The following DTYMK variants were observed in gnomAD, a reference collection of about 807,000 sequenced individuals.
The protein encoded by DTYMK is thymidylate kinase.
In DTYMK, 20 loss-of-function variants were observed where a neutral mutation model predicts 20.3. The observed-to-expected ratio is 0.99, with a 90% CI of 0.69 to 1.43. The LOEUF (loss-of-function observed/expected upper bound fraction) is 1.43, where lower values mean the gene tolerates loss of function less well. Ranked by LOEUF, DTYMK falls within the 40% of genes most tolerant of loss-of-function variation. DTYMK has a pLI of 0.00. For missense variants in DTYMK, 320 were observed against 291.1 expected, an observed-to-expected ratio of 1.10 and a Z score of -0.72; for synonymous variants, 148 against 124.4, an observed-to-expected ratio of 1.19 and a Z score of -1.27.
chr2:241,677,997 C>G (rs112405162), intron 4 of DTYMK, among the ~76,000 whole-genome samples: 8,207 of 152,166 alleles, frequency 0.054, 699 homozygotes, highest in African/African-American at 0.18. Context: ...TGGCACTGGC[C>G]GGGCGCGATG....
Position 241,676,086 on chromosome 2 carries a change from G to A in DTYMK, c.*41C>T. On this transcript the variant is annotated 3_prime_UTR_variant, in exon 5 of 5. Transcript: ENST00000305784. ...CCTTCCGCGAGTCTCCCACCTCTCG[G>A]GGGACTGCAGGGAGAGGCGTCTCCA... 6.4e-7 allele frequency: 1 copy of A among 1,565,116 alleles called. No individual in the cohort carries two copies. Among genetic ancestry groups the A allele is most frequent in the Non-Finnish European group, 8.7e-7 (1 of 1,150,124 alleles).
At chr2:241,678,342 G>A in intron 4 of DTYMK, 110 bp downstream of exon 4, 2 of 1,467,238 alleles carry the variant, frequency 1.4e-6, no homozygotes, top group Admixed American at 1.9e-5. Flanking sequence ...ACATCTGGGA[G>A]GACCAGACGG....
chr2:241,686,775 G>A lies in DTYMK; in HGVS notation c.9C>T (p.Ala3=), dbSNP rs751834968. Residue 3 remains alanine (A), a synonymous_variant, in exon 1 of 5, where the codon GCC becomes GCT. Coordinates refer to ENST00000305784, the MANE Select transcript of DTYMK (RefSeq NM_012145.4). ...CCAGCACTATGAGAGCCCCGCGCCG[G>A]GCCGCCATGACTGTCCACCGCCCGC... MA[A]RRGALIVLEG... is the part of the protein sequence containing the mutation. 4.1e-6 allele frequency: 6 copies of A among 1,460,714 alleles called. No individual in the cohort carries two copies. The highest frequency in any genetic ancestry group is 5.3e-5 in the Admixed American group (2 of 37,566). 90.5% of individuals were successfully genotyped at this position (1,460,714 alleles called of 1,614,324 possible).
In DTYMK at chr2:241,676,040, T is replaced by A; in HGVS notation, c.*87A>T. On this transcript the variant is annotated 3_prime_UTR_variant, in exon 5 of 5. Coordinates refer to ENST00000305784, the MANE Select transcript of DTYMK (RefSeq NM_012145.4). ...AAAGAGCTCCTGAAGTTGTGGGGTC[T>A]GGACTCTGCTGGGGACGGGGCCTTC... The A allele has an allele frequency of 7.9e-7, 1 of 1,267,428 alleles. No homozygotes were observed. Among genetic ancestry groups the A allele is most frequent in the Non-Finnish European group, 1.1e-6 (1 of 931,108 alleles). 78.5% of individuals were successfully genotyped at this position (1,267,428 alleles called of 1,614,324 possible).
chr2:241,679,415 A>G (rs2069190263), intron 3 of DTYMK, among the ~76,000 whole-genome samples: 1 of 152,208 alleles, frequency 6.6e-6, no homozygotes. Context: ...CTTATTATAC[A>G]ACGTAATACT....
intron 4 of DTYMK, 126 bp from the exon 5 acceptor site, chr2:241,676,363 A>G (rs1388237803): frequency 1.2e-6 from 1 of 823,712 alleles, no homozygotes; most frequent in Non-Finnish European, 1.9e-6. Context: ...TGTACCCAGG[A>G]GTTCAAGACC....
intron 2 of DTYMK, among the ~76,000 whole-genome samples, chr2:241,684,065 A>C (rs574371500): frequency 6.6e-6 from 1 of 152,234 alleles, no homozygotes; most frequent in South Asian, 2.1e-4. Flanking sequence ...CTCAAAAAAA[A>C]CCAAAACAAA....
At chr2:241,676,841 G>C (rs1370292980) in intron 4 of DTYMK, among the ~76,000 whole-genome samples, 2 of 152,258 alleles carry the variant, frequency 1.3e-5, no homozygotes, top group Non-Finnish European at 2.9e-5. Context: ...ACAGAGGGCA[G>C]ACCCTGCCCT....
At position 241,678,504 on chromosome 2, in the gene DTYMK, C is replaced by G; in HGVS notation, c.476G>C (p.Arg159Pro). 1.2e-6 allele frequency: 2 copies of G among 1,614,194 alleles called. No homozygotes were observed. Among genetic ancestry groups the G allele is most frequent in the Non-Finnish European group, 1.7e-6 (2 of 1,180,042 alleles). The change falls in exon 4 of 5, where the codon CGG becomes CCG. Residue 159 changes from arginine (R) to proline (P), a missense_variant. Transcript: ENST00000305784. ...GAGCTGGTGGAAACACCGGAGCGCC[C>G]GCTCCTGGAAAGCCCCGTTCTCATA... ...ERYENGAFQE[R>P]ALRCFHQLMK...
At chr2:241,684,589 G>C (rs2069335883) in intron 2 of DTYMK, 1 of 368,914 alleles carries the variant, frequency 2.7e-6, no homozygotes, top group Non-Finnish European at 5.5e-6. Flanking sequence ...CTGTAAGGCA[G>C]AGTTAGAAAG....
At chr2:241,679,416 A>G (rs2069190307) in intron 3 of DTYMK, among the ~76,000 whole-genome samples, 1 of 152,216 alleles carries the variant, frequency 6.6e-6, no homozygotes. Flanking sequence ...TTATTATACA[A>G]CGTAATACTT....
At chr2:241,677,090 G>A (rs909387852) in intron 4 of DTYMK, among the ~76,000 whole-genome samples, 1 of 152,270 alleles carries the variant, frequency 6.6e-6, no homozygotes, top group East Asian at 1.9e-4. Flanking sequence ...ACTCAGAAGC[G>A]CTGGCATCTC....
intron 2 of DTYMK, among the ~76,000 whole-genome samples, chr2:241,684,417 C>T (rs1048756748): frequency 5.3e-5 from 8 of 152,100 alleles, no homozygotes; most frequent in Non-Finnish European, 7.4e-5. Flanking sequence ...AAAGCTAAGC[C>T]GGAGGAGAGT....
In DTYMK at chr2:241,676,091, C is replaced by A. The variant is rs2069107546; in HGVS notation, c.*36G>T. The A allele has an allele frequency of 1.3e-6, 2 of 1,575,722 alleles. No individual in the cohort carries two copies. Among genetic ancestry groups the A allele is most frequent in the Non-Finnish European group, 1.7e-6 (2 of 1,156,866 alleles). ...CGCGAGTCTCCCACCTCTCGGGGGA[C>A]TGCAGGGAGAGGCGTCTCCAGTGGG... On this transcript the variant is annotated 3_prime_UTR_variant, in exon 5 of 5. Coordinates refer to ENST00000305784, the MANE Select transcript of DTYMK (RefSeq NM_012145.4).
chr2:241,681,900 C>T, intron 2 of DTYMK: 1 of 180,954 alleles, frequency 5.5e-6, no homozygotes, highest in Non-Finnish European at 1.2e-5. Context: ...AAAAATTAGC[C>T]AGGGATAGTG....
chr2:241,684,593 TAGAA>T (rs1241759262), intron 2 of DTYMK: 7 of 367,588 alleles, frequency 1.9e-5, no homozygotes, highest in South Asian at 1.1e-4. Flanking sequence ...AAGGCAGAGT[TAGAA>T]AGAAAGCTGC....
In DTYMK at chr2:241,686,767, C is replaced by A; in HGVS notation, c.17G>T (p.Gly6Val). Residue 6 changes from glycine (G) to valine (V), a missense_variant, in exon 1 of 5, where the codon GGG (glycine) becomes GTG (valine). Gly to Val is a moderately radical substitution (Grantham distance 109). Coordinates refer to ENST00000305784, the MANE Select transcript of DTYMK (RefSeq NM_012145.4). Reference sequence around the variant, plus strand: ...CACGCCCTCCAGCACTATGAGAGCCCCGCGCCGGGCCGCCATGACTGTCCA... The same window carrying A: ...CACGCCCTCCAGCACTATGAGAGCCACGCGCCGGGCCGCCATGACTGTCCA... MAARR[G>V]ALIVLEGVDR... is the part of the protein sequence containing the mutation. The A allele has an allele frequency of 6.8e-7, 1 of 1,462,092 alleles. No homozygotes were observed. The highest frequency in any genetic ancestry group is 8.9e-7 in the Non-Finnish European group (1 of 1,121,918). The allele number at this position is 1,462,092 out of a possible 1,614,324, so 90.6% of individuals were successfully genotyped here. A position where few individuals can be genotyped will look rare whatever the true frequency, so the allele number is the denominator to read the frequency against.
At chr2:241,677,295 T>C (rs1043138190) in intron 4 of DTYMK, among the ~76,000 whole-genome samples, 6 of 152,224 alleles carry the variant, frequency 3.9e-5, no homozygotes, top group Admixed American at 1.3e-4. Context: ...CACTGGCCAC[T>C]GTGCAGCCAC....
At chr2:241,686,521 G>A in intron 1 of DTYMK, 133 bp downstream of exon 1, 5 of 1,310,050 alleles carry the variant, frequency 3.8e-6, no homozygotes, top group South Asian at 1.8e-5. Flanking sequence ...GCGACACAGG[G>A]AAAGCCCGTC....
Sources: gnomAD v4.1 joint callset for allele counts (sites outside exome capture counted in the v4.1 genomes callset) on GRCh38, gnomAD v4.1.1 for gene constraint, MANE v1.5 for transcripts, NCBI Gene and HGNC (gene_info 2026-07-23, HGNC 2026-07-21) for gene names.